The following IKBKG variants were observed in gnomAD, a reference collection of about 807,000 sequenced individuals.
IKBKG encodes NF-kappa-B essential modulator.
A neutral mutation model predicts 13.7 loss-of-function variants in IKBKG; 2 were observed. The observed-to-expected ratio is 0.15, with a 90% confidence interval of 0.06 to 0.46. The LOEUF is 0.46. Ranked by LOEUF, IKBKG falls within the 20% of genes least tolerant of loss-of-function variation. The pLI, the probability that IKBKG is intolerant of heterozygous loss-of-function variation, is 0.98. For missense variants in IKBKG, 53 were observed against 150.3 expected (o/e 0.35, Z 3.39); for synonymous variants, 22 against 64.4 (o/e 0.34, Z 3.15).
upstream of IKBKG, chrX:154,546,833 G>A (rs2070740111): frequency 3.5e-6 from 4 of 1,147,445 alleles, no homozygotes; most frequent in South Asian, 5.9e-5. Context: ...GCCCCGAAGT[G>A]TACGACCGTT....
upstream of IKBKG, among the ~76,000 whole-genome samples, chrX:154,543,053 G>A (rs782597206): frequency 2.7e-5 from 3 of 112,151 alleles, no homozygotes; most frequent in Non-Finnish European, 5.6e-5. Flanking sequence ...CTCCCGCACC[G>A]AGTGAGGCAT....
At chrX:154,544,337 T>A (rs1228955272), upstream of IKBKG, among the ~76,000 whole-genome samples, 1 of 110,198 alleles carries the variant, frequency 9.1e-6, no homozygotes, top group Non-Finnish European at 1.9e-5. Context: ...AATTTTTGTA[T>A]TTTTAGTAGA....
At chrX:154,555,119 C>T (rs2071027397) in intron 2 of IKBKG, among the ~76,000 whole-genome samples, 1 of 111,557 alleles carries the variant, frequency 9.0e-6, no homozygotes, top group African/African-American at 3.3e-5. Flanking sequence ...TTTAACCCTC[C>T]TCGTCTTGTA....
intron 2 of IKBKG, among the ~76,000 whole-genome samples, chrX:154,553,749 G>T (rs1276427132): frequency 3.5e-5 from 4 of 112,857 alleles, no homozygotes; most frequent in African/African-American, 1.3e-4. Flanking sequence ...AATATCCCCA[G>T]ATATTTATTG....
chrX:154,542,711 C>T (rs1192398506), upstream of IKBKG, among the ~76,000 whole-genome samples: 1 of 112,107 alleles, frequency 8.9e-6, no homozygotes, highest in African/African-American at 3.2e-5. Flanking sequence ...TCATGCTGAG[C>T]TTGTTCCCAA....
At chrX:154,549,004 T>C (rs2070846185) in intron 1 of IKBKG, among the ~76,000 whole-genome samples, 1 of 105,641 alleles carries the variant, frequency 9.5e-6, no homozygotes, top group Non-Finnish European at 2.0e-5. Flanking sequence ...CTTTTTTTTT[T>C]TTTTTTGAGA....
chrX:154,553,946 G>A (rs996118962), intron 2 of IKBKG, among the ~76,000 whole-genome samples: 22 of 112,174 alleles, frequency 2.0e-4, no homozygotes, highest in African/African-American at 5.2e-4. Context: ...CTGGCACAGC[G>A]TATGGCGCCC....
upstream of IKBKG, chrX:154,545,986 T>C (rs1229868385): frequency 1.7e-6 from 2 of 1,201,642 alleles, no homozygotes; most frequent in Non-Finnish European, 2.2e-6. Flanking sequence ...AGCTGAGGCA[T>C]GGAGCAGGCA....
At chrX:154,542,567 G>A, upstream of IKBKG, 1 of 969,717 alleles carries the variant, frequency 1.0e-6, no homozygotes, top group South Asian at 2.8e-5. Flanking sequence ...CTGGGTGTGT[G>A]GGCAAGTGTG....
chrX:154,552,724 G>A (rs2070967920), intron 2 of IKBKG, among the ~76,000 whole-genome samples: 1 of 111,533 alleles, frequency 9.0e-6, no homozygotes, highest in African/African-American at 3.3e-5. Context: ...GGGCAATCCC[G>A]GCGCACACCT....
intron 2 of IKBKG, 116 bp downstream of exon 2, chrX:154,552,305 A>G (rs1032793093): frequency 2.5e-5 from 14 of 550,166 alleles, no homozygotes; most frequent in Non-Finnish European, 1.4e-5. Context: ...TCTTGGTTTC[A>G]GGAAGTAGAC....
At chrX:154,548,011 T>C in intron 1 of IKBKG, 1 of 754,628 alleles carries the variant, frequency 1.3e-6, no homozygotes, top group Non-Finnish European at 1.6e-6. Flanking sequence ...AGAGACATAT[T>C]CTGTTCACCA....
At position 154,542,119 on chromosome X, in the gene IKBKG, A is replaced by C. The variant is rs2070525771; in HGVS notation, c.-186-163A>C. The stretch of plus-strand genomic sequence containing the variant: ...TCACCGGGGCTTTGGGGGAGTGCCA[A>C]CATCATCATGACACAGCAAGAATCT... On this transcript the variant is annotated intron_variant, in intron 1 of 10. Transcript: ENST00000422680. 3 of 429,955 alleles carry C rather than the reference A, an allele frequency of 7.0e-6. No individual in the cohort carries two copies. The Admixed American group carries it at 1.5e-4, about 22-fold the overall frequency. 35.4% of individuals were successfully genotyped at this position (429,955 alleles called of 1,213,427 possible). A position where few individuals can be genotyped will look rare whatever the true frequency, so the allele number is the denominator to read the frequency against.
chrX:154,549,651 A>C (rs1448172907), intron 1 of IKBKG, among the ~76,000 whole-genome samples: 1 of 111,437 alleles, frequency 9.0e-6, no homozygotes, highest in East Asian at 2.8e-4. Flanking sequence ...TAAAGTGTAC[A>C]ATTCAATGGT....
upstream of IKBKG, chrX:154,546,259 G>C: frequency 4.6e-6 from 5 of 1,076,233 alleles, no homozygotes; most frequent in Non-Finnish European, 6.4e-6. Flanking sequence ...CTCACACCAG[G>C]GTGACACCTG....
intron 1 of IKBKG, 139 bp downstream of exon 1, chrX:154,547,884 A>C (rs908451546): frequency 4.6e-5 from 35 of 753,437 alleles, no homozygotes; most frequent in Middle Eastern, 7.4e-4. Context: ...GCACTGGCCA[A>C]GGCGGGCCGA....
upstream of IKBKG, chrX:154,546,077 G>A: frequency 8.3e-7 from 1 of 1,211,558 alleles, no homozygotes; most frequent in Non-Finnish European, 1.1e-6. Context: ...TCCGACTGAT[G>A]GAAGGCATCG....
At chrX:154,546,782 C>G (rs781989843), upstream of IKBKG, 1,643 of 1,155,065 alleles carry the variant, frequency 1.4e-3, no homozygotes, top group Non-Finnish European at 1.8e-3. Context: ...CCCGCCCGGC[C>G]GGTTACCTGC....
chrX:154,541,887 G>A (rs782364872), intron 1 of IKBKG, among the ~76,000 whole-genome samples: 2 of 112,341 alleles, frequency 1.8e-5, no homozygotes, highest in South Asian at 7.4e-4. Flanking sequence ...CACGATGCCT[G>A]CTGGAGGGCC....
Sources: allele counts gnomAD v4.1 joint callset (sites outside exome capture counted in the v4.1 genomes callset), GRCh38; gene constraint gnomAD v4.1.1; transcripts MANE v1.5; gene names NCBI Gene and HGNC (gene_info 2026-07-23, HGNC 2026-07-21).